Variants in MMP26 observed in about 807,000 individuals in gnomAD.
MMP26 encodes matrix metalloproteinase-26.
A neutral mutation model predicts 31.0 loss-of-function variants in MMP26; 33 were observed. The ratio of observed to expected loss-of-function variants is 1.06; its 90% CI spans 0.81 to 1.42. MMP26 has a LOEUF of 1.42. MMP26 is among the 40% of genes most tolerant of loss of function. The probability of loss-of-function intolerance (pLI) is 0.00; values close to 1 mark genes in which losing one functional copy is unlikely to be tolerated. For synonymous variants in MMP26, 122 were observed against 114.9 expected (o/e 1.06, Z -0.40); for missense variants, 347 against 316.1 (o/e 1.10, Z -0.74).
intron 2 of MMP26, among the ~76,000 whole-genome samples, chr11:4,771,422 A>G (rs1848718650): frequency 6.6e-6 from 1 of 152,200 alleles, no homozygotes; most frequent in African/African-American, 2.4e-5. Context: ...GCTGTTCAAA[A>G]GTGTAAAGTG....
At chr11:4,856,196 G>T (rs1245998520) in intron 2 of MMP26, among the ~76,000 whole-genome samples, 1 of 152,168 alleles carries the variant, frequency 6.6e-6, no homozygotes, top group Non-Finnish European at 1.5e-5. Context: ...ACATCATAAT[G>T]ACAGGATCAA....
chr11:4,904,802 A>G (rs1398614221), intron 2 of MMP26, among the ~76,000 whole-genome samples: 1 of 152,112 alleles, frequency 6.6e-6, no homozygotes, highest in East Asian at 1.9e-4. Context: ...CATATTTTAT[A>G]TTTCTTCCAT....
chr11:4,915,332 C>G (rs367565540), intron 2 of MMP26: 1 of 1,613,874 alleles, frequency 6.2e-7, no homozygotes, highest in African/African-American at 1.3e-5. Flanking sequence ...GAAGGAGAAG[C>G]AGTGAATGAA....
At chr11:4,759,445 T>C (rs1281875619) in intron 1 of MMP26, among the ~76,000 whole-genome samples, 1 of 152,218 alleles carries the variant, frequency 6.6e-6, no homozygotes, top group Non-Finnish European at 1.5e-5. Context: ...GTGCATGTCA[T>C]GTGTCCATAT....
intron 1 of MMP26, among the ~76,000 whole-genome samples, chr11:4,760,907 A>G (rs762715049): frequency 3.4e-4 from 51 of 152,226 alleles, no homozygotes; most frequent in Non-Finnish European, 6.0e-4. Context: ...GGATTTGGTT[A>G]TTATTTATGG....
intron 1 of MMP26, among the ~76,000 whole-genome samples, chr11:4,761,457 C>T (rs1005854600): frequency 2.0e-5 from 3 of 152,152 alleles, no homozygotes; most frequent in Non-Finnish European, 2.9e-5. Context: ...GAGTCATTTA[C>T]TCAGCTGGGA....
intron 2 of MMP26, among the ~76,000 whole-genome samples, chr11:4,980,565 A>C (rs2133640066): frequency 6.6e-6 from 1 of 152,276 alleles, no homozygotes; most frequent in South Asian, 2.1e-4. Flanking sequence ...CAAAAGGAAA[A>C]GTAAACTAAT....
Position 4,989,771 on chromosome 11 carries a change from G to A in MMP26, c.223G>A (p.Ala75Thr). The A allele has an allele frequency of 6.2e-7, 1 of 1,613,840 alleles. No homozygotes were observed. Among genetic ancestry groups the A allele is most frequent in the Non-Finnish European group, 8.5e-7 (1 of 1,179,932 alleles). The change falls in exon 4 of 8, where the codon GCT becomes ACT. Residue 75 changes from alanine to threonine, a missense_variant. Physicochemically the swap from Ala to Thr is moderately conservative, Grantham distance 58 (BLOSUM62 0). Coordinates refer to ENST00000380390, the MANE Select transcript of MMP26 (RefSeq NM_021801.5). Reference sequence around the variant, plus strand: ...AGACCTACTTGACATGCAGATGCATGCTCTGCTACACCAGCCCCACTGTGG... The same window carrying A: ...AGACCTACTTGACATGCAGATGCATACTCTGCTACACCAGCCCCACTGTGG... ...GTDLLDMQMH[A>T]LLHQPHCGVP...
chr11:4,807,835 C>A (rs1849298778), intron 2 of MMP26, among the ~76,000 whole-genome samples: 1 of 152,056 alleles, frequency 6.6e-6, no homozygotes, highest in African/African-American at 2.4e-5. Context: ...GACATGCTTT[C>A]ACTCTGTTGT....
chr11:4,780,196 C>A (rs1281205618), intron 2 of MMP26, among the ~76,000 whole-genome samples: 3 of 152,048 alleles, frequency 2.0e-5, no homozygotes. Flanking sequence ...GAACACATTT[C>A]TGTTGGGGTT....
At chr11:4,948,590 G>A (rs150016416) in intron 2 of MMP26, among the ~76,000 whole-genome samples, 3,586 of 123,792 alleles carry the variant, frequency 0.029, 987 homozygotes, top group Middle Eastern at 0.054. Context: ...TAGTGGATAA[G>A]ATGAAACATT....
intron 2 of MMP26, among the ~76,000 whole-genome samples, chr11:4,874,587 T>TGC (rs1364950485): frequency 2.0e-5 from 3 of 151,210 alleles, no homozygotes; most frequent in Admixed American, 6.6e-5. Context: ...TGTGTGTGTG[T>TGC]GCATTCTTAA....
At chr11:4,856,694 C>A (rs1363034088) in intron 2 of MMP26, among the ~76,000 whole-genome samples, 2 of 152,132 alleles carry the variant, frequency 1.3e-5, no homozygotes, top group East Asian at 1.9e-4. Context: ...ATATCCAGGA[C>A]TTGAACTCAG....
chr11:4,985,511 C>T (rs1846872939), intron 2 of MMP26, among the ~76,000 whole-genome samples: 1 of 152,068 alleles, frequency 6.6e-6, no homozygotes, highest in South Asian at 2.1e-4. Flanking sequence ...ATTATTTACC[C>T]ATGTCTTTAG....
chr11:4,931,778 A>T (rs1564809516), intron 2 of MMP26, among the ~76,000 whole-genome samples: 1 of 151,996 alleles, frequency 6.6e-6, no homozygotes, highest in Non-Finnish European at 1.5e-5. Context: ...GATAGAGAGA[A>T]ATGGCATTTT....
At chr11:4,907,669 A>G (rs750762453) in intron 2 of MMP26, 1 of 1,614,096 alleles carries the variant, frequency 6.2e-7, no homozygotes, top group East Asian at 2.2e-5. Flanking sequence ...GCTTTGCTCA[A>G]GAATTCTTCA....
intron 1 of MMP26, among the ~76,000 whole-genome samples, chr11:4,707,129 G>C (rs1293156330): frequency 6.6e-6 from 1 of 152,136 alleles, no homozygotes; most frequent in Non-Finnish European, 1.5e-5. Context: ...GTGGTTGCAT[G>C]ATTTTACATT....
At chr11:4,775,578 T>C (rs1848780313) in intron 2 of MMP26, among the ~76,000 whole-genome samples, 1 of 152,132 alleles carries the variant, frequency 6.6e-6, no homozygotes, top group Admixed American at 6.6e-5. Context: ...CTGGGTAATT[T>C]GTAAAGAAAC....
intron 2 of MMP26, among the ~76,000 whole-genome samples, chr11:4,897,099 TACACACACACACACACAG>T (rs1850715393): frequency 6.6e-6 from 1 of 150,604 alleles, no homozygotes; most frequent in South Asian, 2.1e-4. Context: ...AGTATATGTA[TACACACACACACACACAG>T]ACACACACAC....
Sources: allele counts gnomAD v4.1 joint callset (sites outside exome capture counted in the v4.1 genomes callset), GRCh38; gene constraint gnomAD v4.1.1; transcripts MANE v1.5; gene names NCBI Gene and HGNC (gene_info 2026-07-23, HGNC 2026-07-21).